Variants in RNF213 observed in about 807,000 individuals in gnomAD.
RNF213 encodes E3 ubiquitin-protein ligase RNF213.
A neutral mutation model predicts 514.4 loss-of-function variants in RNF213; 341 were observed. The ratio of observed to expected loss-of-function variants is 0.66; its 90% confidence interval spans 0.61 to 0.73. RNF213 has a LOEUF of 0.73. RNF213 is among the 30% of genes least tolerant of loss of function. The pLI is 0.00. For missense variants in RNF213, 5,767 were observed against 6,615.6 expected, an observed-to-expected ratio of 0.87 and a Z score of 4.45; for synonymous variants, 2,655 against 2,658.2, an observed-to-expected ratio of 1.00 and a Z score of 0.04.
rs1393249200 is a variant in RNF213, at chr17:80,336,209, G to C, written c.4358G>C (p.Gly1453Ala). 1 of 1,537,264 alleles carries C rather than the reference G, an allele frequency of 6.5e-7. No homozygotes were observed. Among genetic ancestry groups the C allele is most frequent in the Non-Finnish European group, 8.7e-7 (1 of 1,146,910 alleles). Residue 1453 changes from glycine to alanine, a missense_variant, in exon 23 of 68, where the codon GGG (glycine) becomes GCG (alanine). Physicochemically the swap from Gly to Ala is moderately conservative, Grantham distance 60 (BLOSUM62 0). Coordinates refer to ENST00000582970, the MANE Select transcript of RNF213 (RefSeq NM_001256071.3). ...VFVDLASISA[G>A]ENDIDVDRVA... ...GTGGACCTGGCCTCCATCTCAGCGG[G>C]GGAGAATGACATTGATGTGGACCGG...
intron 17 of RNF213, among the ~76,000 whole-genome samples, chr17:80,323,603 C>T (rs1429429329): frequency 6.6e-6 from 1 of 151,870 alleles, no homozygotes; most frequent in African/African-American, 2.4e-5. Flanking sequence ...GCTGGGACTA[C>T]AGGTGTCCAC....
intron 67 of RNF213, 44 bp downstream of exon 67, chr17:80,390,240 T>G: frequency 6.3e-7 from 1 of 1,583,074 alleles, no homozygotes; most frequent in African/African-American, 1.3e-5. Flanking sequence ...CACAATGTTG[T>G]GCTGTCTCTC....
At chr17:80,262,497 G>A (rs76285796) in intron 1 of RNF213, among the ~76,000 whole-genome samples, 6,902 of 152,154 alleles carry the variant, frequency 0.045, 300 homozygotes, top group East Asian at 0.16. Context: ...AGGAACTGGC[G>A]AGGCCGCAGG....
intron 8 of RNF213, among the ~76,000 whole-genome samples, chr17:80,292,741 C>T (rs2044777877): frequency 6.6e-6 from 1 of 152,050 alleles, no homozygotes; most frequent in Non-Finnish European, 1.5e-5. Context: ...CTGTGTTGAT[C>T]ACCTGGACTC....
chr17:80,326,308 A>C (rs528246005), intron 18 of RNF213, among the ~76,000 whole-genome samples: 1 of 152,242 alleles, frequency 6.6e-6, no homozygotes, highest in Non-Finnish European at 1.5e-5. Flanking sequence ...AGTTGGATAG[A>C]ATTTTTTAGA....
At chr17:80,388,329 C>T (rs1346607850) in intron 63 of RNF213, among the ~76,000 whole-genome samples, 1 of 152,182 alleles carries the variant, frequency 6.6e-6, no homozygotes, top group African/African-American at 2.4e-5. Flanking sequence ...ATGGGATATG[C>T]ACAAATACCT....
At chr17:80,296,708 T>C (rs969420092) in intron 10 of RNF213, among the ~76,000 whole-genome samples, 6 of 152,134 alleles carry the variant, frequency 3.9e-5, no homozygotes, top group African/African-American at 1.4e-4. Context: ...TTTGAGACAG[T>C]GTCTTACTCT....
intron 58 of RNF213, among the ~76,000 whole-genome samples, chr17:80,383,348 A>G (rs1445140167): frequency 6.6e-6 from 1 of 152,224 alleles, no homozygotes; most frequent in Non-Finnish European, 1.5e-5. Context: ...TTTTTACAGC[A>G]GAATGTAATG....
At position 80,346,662 on chromosome 17, in the gene RNF213, C is replaced by G; in HGVS notation, c.8327C>G (p.Ser2776Cys). ...FLVGKPGSSK[S>C]LAKTIVADAM... ...GTGGGGAAGCCCGGCAGCTCCAAGT[C>G]TCTCGCCAAGACCATCGTGGCAGAC... Residue 2776 changes from serine (S) to cysteine (C), a missense_variant, in exon 29 of 68, where the codon TCT becomes TGT. Around this residue, in one of 13 missense-constraint regions of RNF213, gnomAD observed 105 missense variants for 183.9 expected, o/e 0.57. Coordinates refer to ENST00000582970, the MANE Select transcript of RNF213 (RefSeq NM_001256071.3). This position sits in a 1 kb window ranked among gnomAD's most constrained non-coding sequence, Gnocchi z 8.1. 1 of 1,611,850 alleles carries G rather than the reference C, an allele frequency of 6.2e-7. No homozygotes were observed. The highest frequency in any genetic ancestry group is 8.5e-7 in the Non-Finnish European group (1 of 1,180,014).
intron 13 of RNF213, among the ~76,000 whole-genome samples, chr17:80,307,691 A>T (rs2143595973): frequency 6.6e-6 from 1 of 152,194 alleles, no homozygotes; most frequent in East Asian, 1.9e-4. Flanking sequence ...CTGGGATTAC[A>T]GGCGCATGCC....
chr17:80,321,925 C>T (rs577062164), intron 17 of RNF213, among the ~76,000 whole-genome samples: 2 of 151,682 alleles, frequency 1.3e-5, no homozygotes, highest in Admixed American at 6.6e-5. Context: ...GGGGTTTTGC[C>T]GTGTGGGTCA....
At chr17:80,324,449 C>T (rs749341025) in intron 17 of RNF213, among the ~76,000 whole-genome samples, 1 of 152,122 alleles carries the variant, frequency 6.6e-6, no homozygotes, top group Non-Finnish European at 1.5e-5. Flanking sequence ...GTGTATAGTT[C>T]CTTTAACATG....
In RNF213 at chr17:80,328,535, C is replaced by T. The variant is rs2046336312; in HGVS notation, c.3517+58C>T. On this transcript the variant is annotated intron_variant, in intron 20 of 67. Coordinates refer to ENST00000582970, the MANE Select transcript of RNF213 (RefSeq NM_001256071.3). Reference sequence around the variant, plus strand: ...GCTCTCAAAGGGTTAGAGGAGAACACAGTAAGAATGGATCACAGTAGCAGA... The same window carrying T: ...GCTCTCAAAGGGTTAGAGGAGAACATAGTAAGAATGGATCACAGTAGCAGA... The T allele has an allele frequency of 5.3e-6, 8 of 1,502,882 alleles. No individual in the cohort carries two copies. The South Asian group carries it at 6.2e-5, about 12-fold the overall frequency. The allele number at this position is 1,502,882 out of a possible 1,614,324, so 93.1% of individuals were successfully genotyped here.
rs564355620 is a variant in RNF213 at position 80,334,682 on chromosome 17, A to AGTGGC, written c.4309+416_4309+420dup. Among the ~76,000 whole-genome samples the AGTGGC allele has an allele frequency of 3.6e-3, 537 of 151,230 alleles. 4 individuals are homozygous for AGTGGC. The highest frequency in any genetic ancestry group is 6.8e-3 in the Admixed American group (103 of 15,160). On this transcript the variant is annotated intron_variant, in intron 22 of 67. Transcript: ENST00000582970. ...CGCTCTGTCGCCCAGGCTGGAGTGC[A>AGTGGC]GTGGCGTGATCTTGGCTCACTGCAA...
At chr17:80,352,558 T>G in intron 32 of RNF213, 1 of 541,588 alleles carries the variant, frequency 1.8e-6, no homozygotes, top group Non-Finnish European at 3.3e-6. Flanking sequence ...GGAAAGTAAG[T>G]TTACTTGAAT....
chr17:80,278,483 T>G (rs948834230), intron 3 of RNF213, among the ~76,000 whole-genome samples: 1 of 152,156 alleles, frequency 6.6e-6, no homozygotes, highest in African/African-American at 2.4e-5. Flanking sequence ...CAGGGTGCCG[T>G]GAGCCTGGCA....
At chr17:80,289,269 T>A (rs2044593787) in intron 5 of RNF213, among the ~76,000 whole-genome samples, 1 of 152,152 alleles carries the variant, frequency 6.6e-6, no homozygotes, top group South Asian at 2.1e-4. Context: ...TTCTGGCCGC[T>A]GTAAGAAGCA....
intron 3 of RNF213, among the ~76,000 whole-genome samples, chr17:80,281,356 CACACACACCTCA>C (rs2044266763): frequency 7.3e-6 from 1 of 137,798 alleles, no homozygotes; most frequent in Non-Finnish European, 1.6e-5. Context: ...ACACCCCACT[CACACACACCTCA>C]ACACACACAC....
intron 58 of RNF213, among the ~76,000 whole-genome samples, 185 bp downstream of exon 58, chr17:80,383,255 T>TC (rs1389737716): frequency 2.6e-5 from 4 of 152,112 alleles, no homozygotes; most frequent in African/African-American, 7.2e-5. Context: ...CAAGTGCTCT[T>TC]CCCTCCTACA....
Sources: allele counts gnomAD v4.1 joint callset (sites outside exome capture counted in the v4.1 genomes callset), GRCh38; gene constraint gnomAD v4.1.1; regional missense constraint gnomAD v4.1.1; non-coding constraint Gnocchi (gnomAD v3.1); transcripts MANE v1.5; gene names NCBI Gene and HGNC (gene_info 2026-07-23, HGNC 2026-07-21).